Variants in NTRK2 observed in about 807,000 individuals in gnomAD.
NTRK2 encodes the protein BDNF/NT-3 growth factors receptor.
NTRK2 carries 13 observed loss-of-function variants against 94.5 expected under a neutral mutation model. That is an observed-to-expected ratio of 0.14 (90% CI 0.09 to 0.22). The LOEUF is 0.22. Among genes scored for constraint, NTRK2 ranks in the 10% least tolerant of loss-of-function variants. NTRK2 has a pLI of 1.00. For synonymous variants in NTRK2, 372 were observed against 407.4 expected (o/e 0.91, Z 1.05); for missense variants, 639 against 1,071.2 (o/e 0.60, Z 5.63).
At chr9:84,702,277 T>A in intron 3 of NTRK2, 44 bp downstream of exon 3, 2 of 1,610,502 alleles carry the variant, frequency 1.2e-6, no homozygotes, top group Non-Finnish European at 1.7e-6. Context: ...AGAATTTTCC[T>A]GTTGTCTGCT....
intron 17 of NTRK2, among the ~76,000 whole-genome samples, chr9:84,989,066 TACTC>T (rs1283878515): frequency 2.0e-5 from 3 of 152,222 alleles, no homozygotes; most frequent in African/African-American, 7.2e-5. Flanking sequence ...GAACACAGGT[TACTC>T]AGCCAAAGCT....
At chr9:84,814,735 A>T (rs1042091890) in intron 12 of NTRK2, 1 of 1,064,218 alleles carries the variant, frequency 9.4e-7, no homozygotes, top group African/African-American at 1.6e-5. Flanking sequence ...ATACAGAGGG[A>T]CAGCTGGACT....
intron 12 of NTRK2, among the ~76,000 whole-genome samples, chr9:84,858,610 C>T (rs1341477989): frequency 6.6e-5 from 10 of 152,048 alleles, no homozygotes; most frequent in South Asian, 2.1e-4. Context: ...GCCTCCCAAC[C>T]CTCCGTTGGA....
At chr9:84,772,674 G>C (rs1030452776) in intron 12 of NTRK2, among the ~76,000 whole-genome samples, 5 of 152,194 alleles carry the variant, frequency 3.3e-5, no homozygotes, top group African/African-American at 1.2e-4. Flanking sequence ...CCACAAAAGA[G>C]GGGGATGATT....
chr9:84,843,944 G>T (rs981914399), intron 12 of NTRK2, among the ~76,000 whole-genome samples: 5 of 152,130 alleles, frequency 3.3e-5, no homozygotes, highest in African/African-American at 9.7e-5. Flanking sequence ...AAGGGGGAAG[G>T]ATTGGCATTG....
At chr9:84,840,057 A>C (rs1432489486) in intron 12 of NTRK2, among the ~76,000 whole-genome samples, 1 of 151,810 alleles carries the variant, frequency 6.6e-6, no homozygotes, top group South Asian at 2.1e-4. Flanking sequence ...TTTCTTAAAA[A>C]TTTAGAAATA....
At chr9:85,020,139 C>A in intron 17 of NTRK2, 67 bp from the exon 18 acceptor site, 2 of 1,552,804 alleles carry the variant, frequency 1.3e-6, no homozygotes, top group South Asian at 1.1e-5. Flanking sequence ...CAGTGTCCCC[C>A]AGCAGCTCCC....
At chr9:84,803,693 G>A (rs2070764847) in intron 12 of NTRK2, among the ~76,000 whole-genome samples, 3 of 152,130 alleles carry the variant, frequency 2.0e-5, no homozygotes, top group Admixed American at 2.0e-4. Flanking sequence ...GAAGTCCCTG[G>A]CCAAACGGAA....
chr9:84,863,378 A>G (rs2075422319), intron 13 of NTRK2, among the ~76,000 whole-genome samples: 1 of 152,196 alleles, frequency 6.6e-6, no homozygotes, highest in African/African-American at 2.4e-5. Context: ...AGTAATTAGA[A>G]CTATTTACCC....
intron 5 of NTRK2, among the ~76,000 whole-genome samples, chr9:84,709,961 C>CTGTG (rs35954183): frequency 0.02 from 2,261 of 115,260 alleles, 39 homozygotes; most frequent in African/African-American, 0.063. Flanking sequence ...ATAGCTTGCT[C>CTGTG]TGTGTGTGTG....
At chr9:84,995,117 T>G (rs1829582407) in intron 17 of NTRK2, among the ~76,000 whole-genome samples, 2 of 152,124 alleles carry the variant, frequency 1.3e-5, no homozygotes, top group South Asian at 4.2e-4. Flanking sequence ...AAGTAAATGT[T>G]CTCCCCTTCT....
At chr9:84,961,917 G>A (rs115891319) in intron 17 of NTRK2, among the ~76,000 whole-genome samples, 2,038 of 152,312 alleles carry the variant, frequency 0.013, 44 homozygotes, top group African/African-American at 0.047. Context: ...CCAGGATAGA[G>A]AGGAAGACAG....
intron 17 of NTRK2, 47 bp downstream of exon 17, chr9:84,955,564 G>C: frequency 4.8e-6 from 7 of 1,468,570 alleles, no homozygotes; most frequent in Non-Finnish European, 6.6e-6. Context: ...CTTTCCCTGC[G>C]GGACCCCTGC....
chr9:84,733,788 A>C lies in NTRK2; in HGVS notation c.1159+5829A>C, dbSNP rs1459498074. Among the ~76,000 whole-genome samples the C allele has an allele frequency of 2.0e-5, 3 of 152,222 alleles. No homozygotes were observed. The East Asian group carries it at 5.8e-4, about 29-fold the overall frequency. ...CAGAAAATATAGGCAATGGAGGACA[A>C]AGACACCTCTTTAAATCTTCTTTCT... On this transcript the variant is annotated intron_variant, in intron 9 of 18. Coordinates refer to ENST00000277120, the MANE Select transcript of NTRK2 (RefSeq NM_006180.6).
At chr9:84,723,855 C>A (rs1206749815) in intron 7 of NTRK2, 146 bp downstream of exon 7, 2 of 1,171,892 alleles carry the variant, frequency 1.7e-6, no homozygotes, top group Non-Finnish European at 2.5e-6. Context: ...CATTCACTTT[C>A]TACTTATTCT....
intron 16 of NTRK2, among the ~76,000 whole-genome samples, chr9:84,953,126 CT>C (rs977171151): frequency 6.6e-6 from 1 of 152,194 alleles, no homozygotes; most frequent in African/African-American, 2.4e-5. Context: ...GCAATTTCCC[CT>C]GACCCCTCAG....
At chr9:84,912,337 A>T (rs1431177468) in intron 14 of NTRK2, among the ~76,000 whole-genome samples, 1 of 152,182 alleles carries the variant, frequency 6.6e-6, no homozygotes, top group African/African-American at 2.4e-5. Flanking sequence ...AATTATTGAA[A>T]GGCAGGTGTT....
rs1366387391 is a variant in NTRK2, at chr9:84,874,499, G to A, written c.1633+7068G>A. 8 of 1,065,676 alleles carry A rather than the reference G, an allele frequency of 7.5e-6. No individual in the cohort carries two copies. The East Asian group carries it at 2.5e-4, about 33-fold the overall frequency. 66.0% of individuals were successfully genotyped at this position (1,065,676 alleles called of 1,614,324 possible). On this transcript the variant is annotated intron_variant, in intron 14 of 18. Transcript: ENST00000277120. ...CTCCTTCCTGGGGAGCTGTGATGCTGCTCTGAGGTTGATTGCTGAGGTTGT... is the reference window on the plus strand; with the variant it reads ...CTCCTTCCTGGGGAGCTGTGATGCTACTCTGAGGTTGATTGCTGAGGTTGT...
rs1049777354 is a variant in NTRK2, at chr9:84,859,625, T to G, written c.1397-1415T>G. ...TTCAGTGAGTTCTCTAAAATGGGAA[T>G]GTAACATTGAAAAACATCTTAAGTG... is the stretch of plus-strand genomic sequence containing the variant. On this transcript the variant is annotated intron_variant, in intron 12 of 18. Coordinates refer to ENST00000277120, the MANE Select transcript of NTRK2 (RefSeq NM_006180.6). Among the ~76,000 whole-genome samples, 5 of 152,148 alleles carry G rather than the reference T, an allele frequency of 3.3e-5. 1 individual carries two copies. Among genetic ancestry groups the G allele is most frequent in the Non-Finnish European group, 7.3e-5 (5 of 68,034 alleles).
Sources: gnomAD v4.1 joint callset for allele counts (sites outside exome capture counted in the v4.1 genomes callset) on GRCh38, gnomAD v4.1.1 for gene constraint, MANE v1.5 for transcripts, NCBI Gene and HGNC (gene_info 2026-07-23, HGNC 2026-07-21) for gene names.